Variants in ACTR3 observed in about 807,000 individuals in gnomAD.
The protein encoded by ACTR3 is actin related protein 3.
Under a neutral mutation model 56.8 loss-of-function variants are expected in ACTR3, and 12 were observed. That is an observed-to-expected ratio of 0.21 (90% CI 0.14 to 0.34). The LOEUF is 0.34. Among genes scored for constraint, ACTR3 ranks in the 10% least tolerant of loss-of-function variants. The pLI is 1.00. For synonymous variants in ACTR3, 162 were observed against 167.4 expected, an observed-to-expected ratio of 0.97 and a Z score of 0.25; for missense variants, 282 against 512.5, an observed-to-expected ratio of 0.55 and a Z score of 4.34.
In ACTR3 at chr2:113,923,318, ATTTGTTTGTTTG is replaced by A. The variant is rs139721258; in HGVS notation, c.226-4003_226-3992del. On this transcript the variant is annotated intron_variant, in intron 3 of 11. Coordinates refer to ENST00000263238, the MANE Select transcript of ACTR3 (RefSeq NM_005721.5). ...AATGGTTATCTTCCTAACATGGAATATTTGTTTGTTTGTTTGTTTGTTTGTTTGTTTGTTTTT... is the reference window on the plus strand; with the variant it reads ...AATGGTTATCTTCCTAACATGGAATATTTGTTTGTTTGTTTGTTTGTTTTT... Among the ~76,000 whole-genome samples, 25 of 54,644 alleles carry A rather than the reference ATTTGTTTGTTTG, an allele frequency of 4.6e-4. No individual in the cohort carries two copies. The South Asian group carries it at 0.014, about 31-fold the overall frequency. The allele number at this position is 54,644 out of a possible 152,430, so 35.8% of individuals were successfully genotyped here.
chr2:113,955,725 A>G lies in ACTR3; in HGVS notation c.1161+19A>G, dbSNP rs370281101. 11 of 1,568,738 alleles carry G rather than the reference A, an allele frequency of 7.0e-6. No individual in the cohort carries two copies. Among genetic ancestry groups the G allele is most frequent in the African/African-American group, 4.1e-5 (3 of 73,258 alleles). ...TTCCACGGTGAGTGTGATGAAGCTTACTTTTATTTTATTTTATCATTATTA... is the reference window on the plus strand; with the variant it reads ...TTCCACGGTGAGTGTGATGAAGCTTGCTTTTATTTTATTTTATCATTATTA... On this transcript the variant is annotated intron_variant, in intron 11 of 11. Coordinates refer to ENST00000263238, the MANE Select transcript of ACTR3 (RefSeq NM_005721.5).
At chr2:113,934,232 G>GTTTTTTTTTTTTTTTTTTTTTT in intron 5 of ACTR3, 47 bp from the exon 6 acceptor site, 3 of 954,516 alleles carry the variant, frequency 3.1e-6, no homozygotes, top group East Asian at 3.2e-5. Context: ...TTGTTTTTTT[G>GTTTTTTTTTTTTTTTTTTTTTT]TTTTTTTTTT....
chr2:113,912,355 A>T (rs73957422), intron 1 of ACTR3, among the ~76,000 whole-genome samples: 6,884 of 152,164 alleles, frequency 0.045, 509 homozygotes, highest in African/African-American at 0.16. Flanking sequence ...CCACATAGCT[A>T]AAAAATGCCC....
chr2:113,927,259 AATG>A (rs1241583532), intron 3 of ACTR3, 83 bp from the exon 4 acceptor site: 6 of 818,336 alleles, frequency 7.3e-6, no homozygotes, highest in Non-Finnish European at 1.1e-5. Flanking sequence ...AATATCCACT[AATG>A]ATCTGATATT....
At chr2:113,926,774 G>T (rs10177263) in intron 3 of ACTR3, among the ~76,000 whole-genome samples, 26,632 of 152,082 alleles carry the variant, frequency 0.18, 4,169 homozygotes, top group African/African-American at 0.4. Flanking sequence ...TTTAACATGA[G>T]TTTTGGTGGG....
At chr2:113,897,375 A>G (rs989373399) in intron 1 of ACTR3, among the ~76,000 whole-genome samples, 2 of 152,154 alleles carry the variant, frequency 1.3e-5, no homozygotes, top group Non-Finnish European at 2.9e-5. Flanking sequence ...GTTTTTTTAA[A>G]GGACGATTTT....
chr2:113,955,075 G>A (rs1680187244), intron 10 of ACTR3: 1 of 152,022 alleles, frequency 6.6e-6, no homozygotes, highest in Non-Finnish European at 1.5e-5. Flanking sequence ...CTTAATCCTG[G>A]AATATGTATA....
chr2:113,929,138 T>TG (rs1337886065), intron 4 of ACTR3, among the ~76,000 whole-genome samples: 4 of 151,790 alleles, frequency 2.6e-5, no homozygotes, highest in Non-Finnish European at 5.9e-5. Flanking sequence ...TTGTTTTTTT[T>TG]TTGTTTTTGT....
At chr2:113,944,476 TTA>T (rs1394422352) in intron 8 of ACTR3, among the ~76,000 whole-genome samples, 1 of 150,286 alleles carries the variant, frequency 6.7e-6, no homozygotes, top group Non-Finnish European at 1.5e-5. Context: ...GGAATCAAGC[TTA>T]TGTTTTGGGA....
intron 8 of ACTR3, among the ~76,000 whole-genome samples, chr2:113,942,936 C>T (rs1214065429): frequency 2.0e-5 from 3 of 152,102 alleles, no homozygotes; most frequent in African/African-American, 7.2e-5. Context: ...ATATTACGTA[C>T]TTACTCTGCT....
At chr2:113,946,125 T>C (rs1680015089) in intron 8 of ACTR3, among the ~76,000 whole-genome samples, 1 of 152,216 alleles carries the variant, frequency 6.6e-6, no homozygotes, top group South Asian at 2.1e-4. Flanking sequence ...GCCTTTATGA[T>C]AGAACAATTT....
chr2:113,940,935 G>A (rs60798508), intron 7 of ACTR3, among the ~76,000 whole-genome samples: 6,869 of 151,278 alleles, frequency 0.045, 513 homozygotes, highest in African/African-American at 0.16. Flanking sequence ...ATCCTCCCGC[G>A]TCAGCCTCCT....
At chr2:113,890,070 G>A (rs1379543783), upstream of ACTR3, 1 of 614,678 alleles carries the variant, frequency 1.6e-6, no homozygotes, top group Non-Finnish European at 2.9e-6. Flanking sequence ...GGCAGGGCGG[G>A]GACTGCCTGC....
intron 3 of ACTR3, among the ~76,000 whole-genome samples, chr2:113,921,168 A>G (rs946834495): frequency 5.9e-5 from 9 of 151,972 alleles, no homozygotes; most frequent in African/African-American, 1.9e-4. Context: ...CATTCTAACT[A>G]TGGTGAGACG....
chr2:113,917,147 G>T, intron 3 of ACTR3, 139 bp downstream of exon 3: 1 of 668,842 alleles, frequency 1.5e-6, no homozygotes, highest in Non-Finnish European at 2.2e-6. Flanking sequence ...TTTCCCTATG[G>T]CATCCTTCCC....
At chr2:113,951,691 A>G in intron 9 of ACTR3, 29 bp from the exon 10 acceptor site, 1 of 1,516,108 alleles carries the variant, frequency 6.6e-7, no homozygotes, top group East Asian at 2.5e-5. Flanking sequence ...TTCTCTTTTT[A>G]AATATTATAT....
intron 7 of ACTR3, 82 bp from the exon 8 acceptor site, chr2:113,942,104 A>G (rs111817426): frequency 9.3e-7 from 1 of 1,071,428 alleles, no homozygotes; most frequent in Non-Finnish European, 1.3e-6. Flanking sequence ...TTATTGGATT[A>G]TAGTTTACTG....
intron 8 of ACTR3, among the ~76,000 whole-genome samples, chr2:113,950,064 C>G (rs1005266236): frequency 6.6e-6 from 1 of 152,136 alleles, no homozygotes; most frequent in Non-Finnish European, 1.5e-5. Context: ...AGCTATTGCT[C>G]CTAGGGGAAA....
At chr2:113,905,632 G>C (rs7582072) in intron 1 of ACTR3, among the ~76,000 whole-genome samples, 45,238 of 151,904 alleles carry the variant, frequency 0.3, 11,078 homozygotes, top group African/African-American at 0.67. Flanking sequence ...GAAACTCTGC[G>C]CATTAAGCAG....
Sources: gnomAD v4.1 joint callset for allele counts (sites outside exome capture counted in the v4.1 genomes callset) on GRCh38, gnomAD v4.1.1 for gene constraint, MANE v1.5 for transcripts, NCBI Gene and HGNC (gene_info 2026-07-23, HGNC 2026-07-21) for gene names.